BBS5: variants seen among roughly 807,000 people sequenced by gnomAD.
BBS5 encodes the protein Bardet-Biedl syndrome 5.
Under a neutral mutation model 50.2 loss-of-function variants are expected in BBS5, and 39 were observed. The ratio of observed to expected loss-of-function variants is 0.78; its 90% CI spans 0.60 to 1.01. The LOEUF is 1.01. Ranked by LOEUF, BBS5 falls within the 50% of genes least tolerant of loss-of-function variation. The pLI is 0.00. For synonymous variants in BBS5, 134 were observed against 133.1 expected (o/e 1.01, Z -0.05); for missense variants, 356 against 401.5 (o/e 0.89, Z 0.97).
At chr2:169,486,928 C>G in intron 2 of BBS5, 141 bp from the exon 3 acceptor site, 2 of 712,734 alleles carry the variant, frequency 2.8e-6, no homozygotes, top group Non-Finnish European at 5.1e-6. Context: ...GTTGGATATG[C>G]ACAATATTTT....
Position 169,492,917 on chromosome 2 carries a change from A to G in BBS5, c.430A>G (p.Ser144Gly). Residue 144 changes from serine to glycine, a missense_variant, in exon 6 of 12, where the codon AGT becomes GGT. Transcript: ENST00000295240. ...SKMYRDFKLR[S>G]ALIQNKQLRL... ...AATGTATCGTGATTTTAAATTAAGA[A>G]GTGCACTAATTCAGAACAAGCAACT... 6.2e-7 allele frequency: 1 copy of G among 1,611,902 alleles called. No homozygotes were observed. Among genetic ancestry groups the G allele is most frequent in the South Asian group, 1.1e-5 (1 of 91,036 alleles).
chr2:169,502,983 G>A lies in BBS5; in HGVS notation c.817-112G>A, dbSNP rs187508728. The A allele has an allele frequency of 1.1e-4, 85 of 805,666 alleles. No homozygotes were observed. The East Asian group carries it at 1.6e-3, about 15-fold the overall frequency. 49.9% of individuals were successfully genotyped at this position (805,666 alleles called of 1,614,324 possible). A position where few individuals can be genotyped will look rare whatever the true frequency, so the allele number is the denominator to read the frequency against. ...TTTTAATAAAATAACAAATTATACC[G>A]TGATTTTTATAAGACTTTAGTAGTT... On this transcript the variant is annotated intron_variant, in intron 9 of 11. Transcript: ENST00000295240.
intron 7 of BBS5, among the ~76,000 whole-genome samples, chr2:169,495,324 C>T (rs1683673901): frequency 6.6e-6 from 1 of 152,176 alleles, no homozygotes. Flanking sequence ...TGTGTTATAG[C>T]TTGCCTAACC....
intron 1 of BBS5, among the ~76,000 whole-genome samples, chr2:169,480,018 A>G (rs144925150): frequency 3.9e-5 from 6 of 152,270 alleles, no homozygotes; most frequent in Non-Finnish European, 7.4e-5. Context: ...CTAAAAGTAG[A>G]TGTGTAATAT....
chr2:169,493,457 G>T (rs913996013), intron 6 of BBS5, among the ~76,000 whole-genome samples: 1 of 152,108 alleles, frequency 6.6e-6, no homozygotes, highest in African/African-American at 2.4e-5. Context: ...ATTTACATGG[G>T]ATATTTAATC....
At chr2:169,493,242 C>T (rs373160490) in intron 6 of BBS5, among the ~76,000 whole-genome samples, 12 of 152,042 alleles carry the variant, frequency 7.9e-5, no homozygotes, top group African/African-American at 2.9e-4. Context: ...AAAAAATTTG[C>T]GGTGCTATGC....
chr2:169,491,624 TC>T (rs1220990132), intron 5 of BBS5, among the ~76,000 whole-genome samples: 2 of 152,088 alleles, frequency 1.3e-5, no homozygotes, highest in Admixed American at 1.3e-4. Flanking sequence ...TAATTCTCTT[TC>T]CCTCCCTCCC....
At chr2:169,491,569 A>G (rs1683601611) in intron 5 of BBS5, among the ~76,000 whole-genome samples, 1 of 152,212 alleles carries the variant, frequency 6.6e-6, no homozygotes, top group Non-Finnish European at 1.5e-5. Flanking sequence ...AAAGTTAATC[A>G]GGGTTTCTGT....
rs1683882924 is a variant in BBS5, at chr2:169,505,121, G to C, written c.*539G>C. The C allele has an allele frequency of 5.9e-6, 5 of 848,096 alleles. No individual in the cohort carries two copies. The highest frequency in any genetic ancestry group is 7.6e-6 in the Non-Finnish European group (4 of 526,202). The allele number at this position is 848,096 out of a possible 1,614,324, so 52.5% of individuals were successfully genotyped here. Reference sequence around the variant, plus strand: ...AGGCGCGCGCCGCCACACCTGACTGGTTTTCGTATTTTTTTGGTGGAGACG... The same window carrying C: ...AGGCGCGCGCCGCCACACCTGACTGCTTTTCGTATTTTTTTGGTGGAGACG... On this transcript the variant is annotated 3_prime_UTR_variant, in exon 12 of 12. Transcript: ENST00000295240.
At chr2:169,483,588 C>T (rs973647378) in intron 2 of BBS5, among the ~76,000 whole-genome samples, 2 of 152,046 alleles carry the variant, frequency 1.3e-5, no homozygotes, top group Admixed American at 6.6e-5. Flanking sequence ...CAAGACCTGG[C>T]GATGTCTTTA....
At chr2:169,481,781 C>A (rs1388803660) in intron 1 of BBS5, among the ~76,000 whole-genome samples, 4 of 152,134 alleles carry the variant, frequency 2.6e-5, no homozygotes, top group Non-Finnish European at 4.4e-5. Context: ...CTTTCCTCTA[C>A]TCAGAAACCT....
Position 169,500,318 on chromosome 2 carries a change from C to T in BBS5, c.816+698C>T, listed in dbSNP as rs189045313. On this transcript the variant is annotated intron_variant, in intron 9 of 11. Coordinates refer to ENST00000295240, the MANE Select transcript of BBS5 (RefSeq NM_152384.3). Reference sequence around the variant, plus strand: ...CTATCACCAGTACCCTTGCTAGAGGCGCTAGCTCTGATGTACTTGCTGTCC... The same window carrying T: ...CTATCACCAGTACCCTTGCTAGAGGTGCTAGCTCTGATGTACTTGCTGTCC... Among the ~76,000 whole-genome samples the T allele has an allele frequency of 2.1e-4, 32 of 152,314 alleles. 2 individuals carry two copies. Among genetic ancestry groups the T allele is most frequent in the Admixed American group, 1.7e-3 (26 of 15,298 alleles).
intron 9 of BBS5, among the ~76,000 whole-genome samples, chr2:169,500,449 G>T (rs1351818892): frequency 6.6e-6 from 1 of 152,188 alleles, no homozygotes. Flanking sequence ...TGCCCTTGCT[G>T]TCCTCTCTGT....
At chr2:169,489,851 CTTTTTTTTTTTT>C (rs71003093) in intron 5 of BBS5, among the ~76,000 whole-genome samples, 213 of 65,544 alleles carry the variant, frequency 3.2e-3, no homozygotes, top group South Asian at 9.9e-3. Context: ...CATAAATTTC[CTTTTTTTTTTTT>C]TTTTTTTTTT....
intron 8 of BBS5, chr2:169,499,274 C>T: frequency 3.9e-6 from 2 of 517,192 alleles, no homozygotes; most frequent in South Asian, 4.4e-5. Context: ...GTTGCTGCTT[C>T]TTGAAGCTGG....
intron 6 of BBS5, among the ~76,000 whole-genome samples, chr2:169,493,496 C>A (rs2105298064): frequency 6.6e-6 from 1 of 152,250 alleles, no homozygotes; most frequent in South Asian, 2.1e-4. Context: ...TGACAAAATA[C>A]ATCAAGAAGA....
Position 169,503,085 on chromosome 2 carries a change from T to C in BBS5, c.817-10T>C. The C allele has an allele frequency of 6.2e-7, 1 of 1,607,652 alleles. No homozygotes were observed. Among genetic ancestry groups the C allele is most frequent in the Non-Finnish European group, 8.5e-7 (1 of 1,174,398 alleles). The stretch of plus-strand genomic sequence containing the variant: ...GTCTCTGATGCATTTTAACATCTGC[T>C]GATTTTCAGCCCCAGCCGCTCGAAG... On this transcript the variant is annotated splice_polypyrimidine_tract_variant and intron_variant, in intron 9 of 11. Transcript: ENST00000295240.
chr2:169,495,820 T>G (rs1369262893), intron 7 of BBS5, among the ~76,000 whole-genome samples: 3 of 152,204 alleles, frequency 2.0e-5, no homozygotes, highest in Non-Finnish European at 4.4e-5. Flanking sequence ...CACACCTGGC[T>G]AATTTTTTTG....
At chr2:169,497,266 G>A (rs1225294421) in intron 7 of BBS5, among the ~76,000 whole-genome samples, 2 of 152,214 alleles carry the variant, frequency 1.3e-5, no homozygotes, top group African/African-American at 4.8e-5. Context: ...AGGCTGTGGT[G>A]TGCTATGATC....
Sources: allele counts gnomAD v4.1 joint callset (sites outside exome capture counted in the v4.1 genomes callset), GRCh38; gene constraint gnomAD v4.1.1; transcripts MANE v1.5; gene names NCBI Gene and HGNC (gene_info 2026-07-23, HGNC 2026-07-21).